CEP83: variants seen among roughly 807,000 people sequenced by gnomAD.
CEP83 encodes the protein centrosomal protein 83.
A neutral mutation model predicts 101.9 loss-of-function variants in CEP83; 70 were observed. The ratio of observed to expected loss-of-function variants is 0.69; its 90% CI spans 0.57 to 0.84. The LOEUF (loss-of-function observed/expected upper bound fraction) is 0.84, where lower values mean the gene tolerates loss of function less well. Among genes scored for constraint, CEP83 ranks in the 40% least tolerant of loss-of-function variants. The probability of loss-of-function intolerance (pLI) is 0.00; values close to 1 mark genes in which losing one functional copy is unlikely to be tolerated. For missense variants in CEP83, 715 were observed against 787.2 expected, an observed-to-expected ratio of 0.91 and a Z score of 1.10; for synonymous variants, 264 against 267.9, an observed-to-expected ratio of 0.99 and a Z score of 0.14.
chr12:94,412,526 T>G lies in CEP83; in HGVS notation c.-36A>C, dbSNP rs2063952179. 6.3e-7 allele frequency: 1 copy of G among 1,598,744 alleles called. No homozygotes were observed. The highest frequency in any genetic ancestry group is 1.3e-5 in the African/African-American group (1 of 74,168). ...GTTTTGGCTTTCTTACTGTTTTAGT[T>G]TTCTTTCCAAGGGTATTTCCCACTC... On this transcript the variant is annotated 5_prime_UTR_variant, in exon 3 of 17. Transcript: ENST00000397809.
At chr12:94,365,038 A>G (rs562092637) in intron 11 of CEP83, among the ~76,000 whole-genome samples, 25 of 152,338 alleles carry the variant, frequency 1.6e-4, no homozygotes, top group Non-Finnish European at 3.4e-4. Flanking sequence ...TGCATGGCAA[A>G]AAAATAACGG....
chr12:94,318,188 G>T (rs1971034284), intron 14 of CEP83, among the ~76,000 whole-genome samples: 1 of 152,140 alleles, frequency 6.6e-6, no homozygotes, highest in Non-Finnish European at 1.5e-5. Context: ...TTGTGAATGG[G>T]ATTGCATTCC....
chr12:94,307,361 A>T (rs553275678), downstream of CEP83: 20 of 152,368 alleles, frequency 1.3e-4, no homozygotes, highest in Admixed American at 3.9e-4. Flanking sequence ...CACATTAGCC[A>T]AATGCAGTAA....
chr12:94,425,005 G>C (rs1439086929), intron 2 of CEP83: 1 of 1,198,462 alleles, frequency 8.3e-7, no homozygotes, highest in Non-Finnish European at 1.2e-6. Context: ...GAGAGAGAGA[G>C]AGAGAGAGAA....
chr12:94,333,750 G>A (rs1456734678), intron 12 of CEP83, 111 bp from the exon 13 acceptor site: 2 of 985,958 alleles, frequency 2.0e-6, no homozygotes, highest in Admixed American at 2.6e-5. Flanking sequence ...CCTCAAGCTG[G>A]TGTGTCCTTG....
At chr12:94,275,728 G>A in the CEP83 span, among the ~76,000 whole-genome samples, 3 of 128,470 alleles carry the variant, frequency 2.3e-5, 1 homozygote, top group South Asian at 4.8e-4. Flanking sequence ...AGTGGCGGGC[G>A]CCTGTAGTCC....
intron 2 of CEP83, among the ~76,000 whole-genome samples, chr12:94,428,535 A>C (rs1388606651): frequency 6.6e-6 from 1 of 152,222 alleles, no homozygotes; most frequent in African/African-American, 2.4e-5. Context: ...GTTAAAGAGA[A>C]ATTGATACTT....
At chr12:94,426,702 G>C (rs2065226315) in intron 2 of CEP83, among the ~76,000 whole-genome samples, 1 of 152,090 alleles carries the variant, frequency 6.6e-6, no homozygotes, top group Non-Finnish European at 1.5e-5. Flanking sequence ...ATTAAATTAA[G>C]GATCTTAAGA....
At chr12:94,420,781 A>G (rs978927310) in intron 2 of CEP83, among the ~76,000 whole-genome samples, 1 of 152,206 alleles carries the variant, frequency 6.6e-6, no homozygotes, top group Non-Finnish European at 1.5e-5. Context: ...AATATACACT[A>G]AATTATTACA....
the CEP83 span, among the ~76,000 whole-genome samples, chr12:94,275,620 G>A: frequency 4.9e-4 from 42 of 86,336 alleles, 8 homozygotes; most frequent in Middle Eastern, 6.3e-3. Flanking sequence ...TTGGGAGGCC[G>A]AGGCGGGCGG....
At chr12:94,361,098 C>A (rs923005986) in intron 11 of CEP83, 5 of 152,028 alleles carry the variant, frequency 3.3e-5, no homozygotes, top group African/African-American at 1.2e-4. Context: ...ATATAAAAAT[C>A]AAAAACTTAA....
rs2067021962 is a variant in CEP83, at chr12:94,449,038, A to AC, written c.-155+10518dup. ...CAACAAAATCGAAAAAAAAAAAAAA[A>AC]CTTCACTATACTGACCAAGAAAATA... On this transcript the variant is annotated intron_variant, in intron 1 of 16. Coordinates refer to ENST00000397809, the MANE Select transcript of CEP83 (RefSeq NM_016122.3). Among the ~76,000 whole-genome samples, 4 of 151,608 alleles carry AC rather than the reference A, an allele frequency of 2.6e-5. No individual in the cohort carries two copies. In the South Asian group the frequency reaches 8.3e-4, roughly 32 times the overall value.
chr12:94,360,081 A>T (rs1359501025), intron 11 of CEP83, among the ~76,000 whole-genome samples: 1 of 152,200 alleles, frequency 6.6e-6, no homozygotes, highest in East Asian at 1.9e-4. Flanking sequence ...GCTTTCCTTC[A>T]TGACAAAAAC....
Position 94,438,233 on chromosome 12 carries a change from A to C in CEP83, c.-154-2906T>G, listed in dbSNP as rs143532415. Among the ~76,000 whole-genome samples, 68 of 152,078 alleles carry C rather than the reference A, an allele frequency of 4.5e-4. No individual in the cohort carries two copies. In the East Asian group the frequency reaches 0.013, roughly 28 times the overall value. On this transcript the variant is annotated intron_variant, in intron 1 of 16. Transcript: ENST00000397809. ...GACTGTCCCAATTAAAAAAAAGAAA[A>C]AAAAAAAAGATGCAGAACAGCAGAA...
chr12:94,411,743 C>T lies in CEP83; in HGVS notation c.278G>A (p.Gly93Glu). The change falls in exon 4 of 17, where the codon GGA (glycine) becomes GAA (glutamate). Residue 93 changes from glycine to glutamate, a missense_variant. Coordinates refer to ENST00000397809, the MANE Select transcript of CEP83 (RefSeq NM_016122.3). Reference sequence around the variant, plus strand: ...ATCTTTAGTTTTCTCTACTAATTCTCCTCTTAGTTCTTCAAGCAGGAGCTG... The same window carrying T: ...ATCTTTAGTTTTCTCTACTAATTCTTCTCTTAGTTCTTCAAGCAGGAGCTG... ...KLQLLLEELR[G>E]ELVEKTKDLE... 2 of 1,610,714 alleles carry T rather than the reference C, an allele frequency of 1.2e-6. No homozygotes were observed. Among genetic ancestry groups the T allele is most frequent in the Middle Eastern group, 1.7e-4 (1 of 6,014 alleles).
the CEP83 span, among the ~76,000 whole-genome samples, chr12:94,268,588 CTTTTTTTTTTT>C: frequency 7.7e-5 from 7 of 90,878 alleles, no homozygotes; most frequent in African/African-American, 3.2e-4. Flanking sequence ...AGAATAAGAC[CTTTTTTTTTTT>C]TTTTTTTTTT....
chr12:94,296,992 C>T, the CEP83 span, among the ~76,000 whole-genome samples: 2 of 152,210 alleles, frequency 1.3e-5, no homozygotes, highest in African/African-American at 4.8e-5. Context: ...TCCAATCCCT[C>T]ACCCGTCCCA....
chr12:94,284,136 T>G, the CEP83 span, among the ~76,000 whole-genome samples: 2 of 149,962 alleles, frequency 1.3e-5, no homozygotes, highest in Non-Finnish European at 3.0e-5. Flanking sequence ...TCTCAAGCAC[T>G]GGTCTTAGGT....
chr12:94,297,248 A>G, the CEP83 span: 1 of 1,613,744 alleles, frequency 6.2e-7, no homozygotes, highest in Non-Finnish European at 8.5e-7. Flanking sequence ...TGTGCTCACC[A>G]CTGAACTGCA....
Sources: gnomAD v4.1 joint callset for allele counts (sites outside exome capture counted in the v4.1 genomes callset) on GRCh38, gnomAD v4.1.1 for gene constraint, MANE v1.5 for transcripts, NCBI Gene and HGNC (gene_info 2026-07-23, HGNC 2026-07-21) for gene names.